Variants in SPPL3 observed in about 807,000 individuals in gnomAD.
SPPL3 encodes the protein signal peptide peptidase-like 3.
In SPPL3, 5 loss-of-function variants were observed where a neutral mutation model predicts 42.4. That is an observed-to-expected ratio of 0.12 (90% confidence interval 0.06 to 0.25). The LOEUF (loss-of-function observed/expected upper bound fraction) is 0.25, where lower values mean the gene tolerates loss of function less well. Among genes scored for constraint, SPPL3 ranks in the 10% least tolerant of loss-of-function variants. The probability of loss-of-function intolerance (pLI) is 1.00; values close to 1 mark genes in which losing one functional copy is unlikely to be tolerated. For synonymous variants in SPPL3, 195 were observed against 181.8 expected, an observed-to-expected ratio of 1.07 and a Z score of -0.58; for missense variants, 235 against 489.0, an observed-to-expected ratio of 0.48 and a Z score of 4.90.
intron 2 of SPPL3, among the ~76,000 whole-genome samples, chr12:120,799,578 G>C (rs1870220520): frequency 6.6e-6 from 1 of 152,264 alleles, no homozygotes; most frequent in African/African-American, 2.4e-5. Flanking sequence ...CAGATGGTGG[G>C]GGAGGGTGGA....
rs372200891 is a variant in SPPL3, at chr12:120,806,832, G to A, written c.101+3977C>T. On this transcript the variant is annotated intron_variant, in intron 2 of 10. Coordinates refer to ENST00000353487, the MANE Select transcript of SPPL3 (RefSeq NM_139015.5). ...ACTGCACTCCAGCCTGGGCGACAGA[G>A]CGAGACTCCATTAAAAAAAAAAAAG... Among the ~76,000 whole-genome samples, 10 of 140,890 alleles carry A rather than the reference G, an allele frequency of 7.1e-5. No homozygotes were observed. In the South Asian group the frequency reaches 2.4e-3, roughly 34 times the overall value. 92.4% of individuals were successfully genotyped at this position (140,890 alleles called of 152,430 possible). A position where few individuals can be genotyped will look rare whatever the true frequency, so the allele number is the denominator to read the frequency against.
intron 6 of SPPL3, among the ~76,000 whole-genome samples, chr12:120,782,330 G>A (rs968416123): frequency 2.0e-5 from 3 of 152,220 alleles, no homozygotes; most frequent in African/African-American, 7.2e-5. Context: ...AAAAGGAAGT[G>A]CTGATACAGG....
intron 6 of SPPL3, among the ~76,000 whole-genome samples, chr12:120,781,881 T>C (rs1378342669): frequency 1.3e-5 from 2 of 151,762 alleles, no homozygotes; most frequent in Non-Finnish European, 2.9e-5. Context: ...CCAGCCCTTA[T>C]TGTTACTTTT....
chr12:120,855,072 AG>A (rs1872406246), intron 1 of SPPL3, among the ~76,000 whole-genome samples: 1 of 152,164 alleles, frequency 6.6e-6, no homozygotes, highest in East Asian at 1.9e-4. Context: ...GAAAGAGGAG[AG>A]GGAACTCATT....
At chr12:120,873,314 G>A (rs1011164224) in intron 1 of SPPL3, among the ~76,000 whole-genome samples, 2 of 152,080 alleles carry the variant, frequency 1.3e-5, no homozygotes, top group African/African-American at 4.8e-5. Flanking sequence ...TGTGGAACAC[G>A]ATCAAGTGGT....
intron 1 of SPPL3, among the ~76,000 whole-genome samples, chr12:120,879,113 CAAAAAA>C (rs63543261): frequency 2.0e-4 from 13 of 65,120 alleles, no homozygotes; most frequent in African/African-American, 4.6e-4. Context: ...AACTCTGTCT[CAAAAAA>C]AAAAAAAAAA....
At chr12:120,844,891 T>C (rs1181829058) in intron 1 of SPPL3, among the ~76,000 whole-genome samples, 3 of 151,586 alleles carry the variant, frequency 2.0e-5, no homozygotes, top group Admixed American at 2.0e-4. Context: ...AGCTGACTAA[T>C]ATTGCACAGG....
chr12:120,875,602 C>T (rs1233868265), intron 1 of SPPL3, among the ~76,000 whole-genome samples: 1 of 147,510 alleles, frequency 6.8e-6, no homozygotes, highest in East Asian at 2.0e-4. Context: ...GCCCTCTAGC[C>T]TGGGCGACAG....
At chr12:120,901,473 C>T (rs1873979208) in intron 1 of SPPL3, among the ~76,000 whole-genome samples, 1 of 151,856 alleles carries the variant, frequency 6.6e-6, no homozygotes, top group African/African-American at 2.4e-5. Context: ...TGGCTGTAGT[C>T]CCAGCTACTC....
chr12:120,785,670 T>G (rs970239830), intron 3 of SPPL3, among the ~76,000 whole-genome samples: 4 of 151,636 alleles, frequency 2.6e-5, no homozygotes, highest in Admixed American at 2.6e-4. Context: ...TCTATAATAA[T>G]GAAATAATAG....
chr12:120,778,111 A>AAT (rs1869394317), intron 6 of SPPL3, among the ~76,000 whole-genome samples: 1 of 90,942 alleles, frequency 1.1e-5, no homozygotes, highest in Non-Finnish European at 2.0e-5. Context: ...CTGAAAAGCA[A>AAT]TTTTTTTTTT....
At position 120,904,270 on chromosome 12, in the gene SPPL3, G is replaced by A. The variant is rs1424082602; in HGVS notation, c.-403C>T. On this transcript the variant is annotated 5_prime_UTR_variant, in exon 1 of 11. Transcript: ENST00000353487. ...CTCGGGCGGCGGCGGCGGCGGCCGG[G>A]GGACATGGCCGGCGGGCGGAGGCGG... The A allele has an allele frequency of 3.5e-5, 6 of 171,004 alleles. No homozygotes were observed. In the South Asian group the frequency reaches 1.0e-3, roughly 29 times the overall value. 10.6% of individuals were successfully genotyped at this position (171,004 alleles called of 1,614,324 possible). A position where few individuals can be genotyped will look rare whatever the true frequency, so the allele number is the denominator to read the frequency against.
At chr12:120,856,457 C>T (rs1370933785) in intron 1 of SPPL3, among the ~76,000 whole-genome samples, 3 of 149,372 alleles carry the variant, frequency 2.0e-5, no homozygotes, top group African/African-American at 7.4e-5. Context: ...ACCCTTGCTA[C>T]TCACTGAGCC....
At chr12:120,863,769 G>C (rs1289181771) in intron 1 of SPPL3, among the ~76,000 whole-genome samples, 1 of 150,424 alleles carries the variant, frequency 6.6e-6, no homozygotes, top group Admixed American at 6.6e-5. Context: ...AACCTCCCAA[G>C]TAGCTAGGCC....
chr12:120,899,749 C>T (rs552199508), intron 1 of SPPL3, among the ~76,000 whole-genome samples: 40 of 151,720 alleles, frequency 2.6e-4, no homozygotes, highest in African/African-American at 8.0e-4. Flanking sequence ...AAAAATTAGC[C>T]GGGCATGGTG....
chr12:120,876,303 G>A (rs368744438), intron 1 of SPPL3, among the ~76,000 whole-genome samples: 36 of 152,110 alleles, frequency 2.4e-4, no homozygotes, highest in African/African-American at 7.5e-4. Context: ...AAATAATAAG[G>A]GAAATTAGAA....
At chr12:120,784,449 A>C in intron 4 of SPPL3, 25 bp downstream of exon 4, 1 of 1,574,070 alleles carries the variant, frequency 6.4e-7, no homozygotes, top group South Asian at 1.2e-5. Flanking sequence ...GTATGTTAAG[A>C]CTAGACAGAG....
intron 1 of SPPL3, among the ~76,000 whole-genome samples, chr12:120,882,717 T>A (rs1464951380): frequency 6.6e-6 from 1 of 152,116 alleles, no homozygotes; most frequent in Non-Finnish European, 1.5e-5. Flanking sequence ...TAACATTACT[T>A]TCATAAACAC....
intron 1 of SPPL3, among the ~76,000 whole-genome samples, chr12:120,890,197 C>T (rs534096754): frequency 2.0e-5 from 3 of 151,554 alleles, no homozygotes; most frequent in African/African-American, 7.3e-5. Context: ...TGTGGTGAGC[C>T]GAGATTGCGC....
Sources: gnomAD v4.1 joint callset for allele counts (sites outside exome capture counted in the v4.1 genomes callset) on GRCh38, gnomAD v4.1.1 for gene constraint, MANE v1.5 for transcripts, NCBI Gene and HGNC (gene_info 2026-07-23, HGNC 2026-07-21) for gene names.